The following CAPRIN2 variants were observed in gnomAD, a reference collection of about 807,000 sequenced individuals.
CAPRIN2 encodes the protein caprin-2.
CAPRIN2 carries 66 observed loss-of-function variants against 130.4 expected under a neutral mutation model. The ratio of observed to expected loss-of-function variants is 0.51; its 90% CI spans 0.42 to 0.62. The LOEUF (loss-of-function observed/expected upper bound fraction) is 0.62, where lower values mean the gene tolerates loss of function less well. Ranked by LOEUF, CAPRIN2 falls within the 20% of genes least tolerant of loss-of-function variation. The pLI, the probability that CAPRIN2 is intolerant of heterozygous loss-of-function variation, is 0.00. For missense variants in CAPRIN2, 1,185 were observed against 1,246.6 expected, an observed-to-expected ratio of 0.95 and a Z score of 0.74; for synonymous variants, 471 against 444.1, an observed-to-expected ratio of 1.06 and a Z score of -0.76.
At chr12:30,713,936 T>C in intron 14 of CAPRIN2, 51 bp from the exon 17 acceptor site, 2 of 1,071,500 alleles carry the variant, frequency 1.9e-6, no homozygotes, top group Admixed American at 1.8e-5. Flanking sequence ...CATATTAAAC[T>C]TTTAAACAGT....
chr12:30,727,178 T>G (rs1442302522), intron 8 of CAPRIN2, among the ~76,000 whole-genome samples: 2 of 152,180 alleles, frequency 1.3e-5, no homozygotes, highest in Admixed American at 1.3e-4. Flanking sequence ...TTTGAGATAT[T>G]AAATTGGGTT....
At chr12:30,728,605 T>C in intron 8 of CAPRIN2, 43 bp downstream of exon 9, 1 of 1,490,752 alleles carries the variant, frequency 6.7e-7, no homozygotes. Context: ...ACACCTTATT[T>C]ATGCCTACAC....
chr12:30,741,364 A>G (rs2067345370), intron 2 of CAPRIN2, among the ~76,000 whole-genome samples: 1 of 152,120 alleles, frequency 6.6e-6, no homozygotes, highest in Non-Finnish European at 1.5e-5. Flanking sequence ...TTACCCCTAT[A>G]AAGTCTAAGA....
exon 8 of CAPRIN2, chr12:30,728,680 G>A (rs2061664040): frequency 3.1e-6 from 5 of 1,611,988 alleles, no homozygotes; most frequent in Non-Finnish European, 4.2e-6. Flanking sequence ...TTCCTGGGCA[G>A]CAGCTGGTCA....
chr12:30,747,585 G>A (rs1220271920), intron 2 of CAPRIN2, among the ~76,000 whole-genome samples: 1 of 151,996 alleles, frequency 6.6e-6, no homozygotes, highest in Non-Finnish European at 1.5e-5. Context: ...GCTGAGGCAG[G>A]AGAATCGCTT....
chr12:30,733,564 C>A, intron 5 of CAPRIN2, 65 bp downstream of exon 6: 1 of 1,062,966 alleles, frequency 9.4e-7, no homozygotes, highest in South Asian at 1.3e-5. Flanking sequence ...CCCTCAATAT[C>A]ATACTAAACT....
rs146283389 is a variant in CAPRIN2 at position 30,729,312 on chromosome 12, C to T, written c.1118G>A (p.Arg373His). The stretch of plus-strand genomic sequence containing the variant: ...TGAATAATCTACTTCTGTCATATAG[C>T]GTCTGTTAAGAAACTAGATAGAGAA... Residue 373 changes from arginine (R) to histidine (H), a missense_variant, in exon 8 of 17, where the codon CGC becomes CAC. Physicochemically the swap from Arg to His is conservative, Grantham distance 29. Transcript: ENST00000298892. The T allele has an allele frequency of 6.7e-4, 1,047 of 1,558,792 alleles. 3 individuals are homozygous for T. The highest frequency in any genetic ancestry group is 6.8e-4 in the Non-Finnish European group (787 of 1,158,598).
At chr12:30,725,650 C>A (rs1021588401) in intron 9 of CAPRIN2, among the ~76,000 whole-genome samples, 1 of 152,208 alleles carries the variant, frequency 6.6e-6, no homozygotes, top group Non-Finnish European at 1.5e-5. Flanking sequence ...CAATATCAGG[C>A]ACAGAGTAGG....
At chr12:30,716,707 G>A (rs1262259775) in intron 12 of CAPRIN2, 31 bp from the exon 15 acceptor site, 3 of 1,595,664 alleles carry the variant, frequency 1.9e-6, no homozygotes, top group Non-Finnish European at 2.6e-6. Context: ...TGAGTCATTT[G>A]GGAAGTTTCA....
chr12:30,719,200 G>A lies in CAPRIN2; in HGVS notation c.2148+1611C>T, dbSNP rs757435944. ...AGGATTTGGAGAAGCTAGTGAAGAC[G>A]GTTGCTTGCCTGGGGGAATTGCTGC... On this transcript the variant is annotated intron_variant, in intron 12 of 16. Coordinates refer to ENST00000298892, the Ensembl canonical transcript of CAPRIN2. 52 of 1,613,832 alleles carry A rather than the reference G, an allele frequency of 3.2e-5. No homozygotes were observed. Among genetic ancestry groups the A allele is most frequent in the Middle Eastern group, 1.6e-4 (1 of 6,082 alleles).
chr12:30,731,226 T>C, intron 6 of CAPRIN2, 117 bp downstream of exon 7: 3 of 670,356 alleles, frequency 4.5e-6, no homozygotes, highest in East Asian at 2.8e-5. Flanking sequence ...TAAGTAAAGA[T>C]TTCCATGCAT....
exon 1 of CAPRIN2, chr12:30,754,005 AC>A (rs1318903761): frequency 2.2e-6 from 1 of 458,752 alleles, no homozygotes; most frequent in Non-Finnish European, 3.9e-6. Flanking sequence ...AGCCACTCAA[AC>A]CTCTTTACAT....
chr12:30,728,691 T>C (rs1297746999), exon 8 of CAPRIN2: 4 of 1,613,270 alleles, frequency 2.5e-6, no homozygotes, highest in East Asian at 2.2e-5. Context: ...CAGCTGGTCA[T>C]TTGGTATGAG....
intron 4 of CAPRIN2, 21 bp from the exon 6 acceptor site, chr12:30,733,732 C>G: frequency 6.3e-7 from 1 of 1,580,886 alleles, no homozygotes; most frequent in Non-Finnish European, 8.7e-7. Flanking sequence ...AAAGCAGCAG[C>G]AGAACAAAGT....
exon 1 of CAPRIN2, chr12:30,753,428 T>G (rs754775360): frequency 1.1e-5 from 18 of 1,613,978 alleles, no homozygotes; most frequent in Non-Finnish European, 1.4e-5. Context: ...GGGAAGGAGA[T>G]GCAGCAGAAC....
chr12:30,726,152 AG>A (rs1483644936), intron 8 of CAPRIN2, 64 bp from the exon 10 acceptor site: 1 of 1,286,472 alleles, frequency 7.8e-7, no homozygotes, highest in Non-Finnish European at 1.0e-6. Flanking sequence ...TCTAGGAAAC[AG>A]TTTATCACTA....
intron 2 of CAPRIN2, among the ~76,000 whole-genome samples, chr12:30,743,990 C>G (rs1319419966): frequency 1.3e-5 from 2 of 152,112 alleles, no homozygotes. Flanking sequence ...ATCAGTAGTA[C>G]AAAATTGAGC....
chr12:30,714,372 T>C (rs935334803), intron 14 of CAPRIN2, among the ~76,000 whole-genome samples: 3 of 152,250 alleles, frequency 2.0e-5, no homozygotes, highest in Non-Finnish European at 2.9e-5. Context: ...TTTGTAGAGG[T>C]AGGGTCTCAC....
intron 1 of CAPRIN2, 110 bp from the exon 3 acceptor site, chr12:30,751,243 A>G (rs1456169603): frequency 1.2e-6 from 1 of 820,096 alleles, no homozygotes; most frequent in Admixed American, 1.8e-5. Flanking sequence ...GTAAGCTATC[A>G]ATCTGCAAGA....
Sources: gnomAD v4.1 joint callset for allele counts (sites outside exome capture counted in the v4.1 genomes callset) on GRCh38, gnomAD v4.1.1 for gene constraint, MANE v1.5 for transcripts, NCBI Gene and HGNC (gene_info 2026-07-23, HGNC 2026-07-21) for gene names.